The following XCR1 variants were observed in gnomAD, a reference collection of about 807,000 sequenced individuals.
XCR1 encodes the protein chemokine XC receptor 1.
For synonymous variants in XCR1, 187 were observed against 188.5 expected, an observed-to-expected ratio of 0.99 and a Z score of 0.06; for missense variants, 356 against 424.2, an observed-to-expected ratio of 0.84 and a Z score of 1.41.
intron 1 of XCR1, among the ~76,000 whole-genome samples, chr3:46,083,871 C>G (rs746114548): frequency 3.4e-4 from 51 of 152,162 alleles, no homozygotes; most frequent in Non-Finnish European, 5.6e-4. Flanking sequence ...TAAAGAAAAA[C>G]TGAGATTTAA....
chr3:46,046,919 G>T (rs200906874), intron 5 of XCR1, among the ~76,000 whole-genome samples: 1 of 152,144 alleles, frequency 6.6e-6, no homozygotes, highest in Non-Finnish European at 1.5e-5. Flanking sequence ...GCTTTCACAA[G>T]GTCCCATGGA....
chr3:46,035,641 T>A (rs1697416319), intron 5 of XCR1, among the ~76,000 whole-genome samples: 1 of 152,218 alleles, frequency 6.6e-6, no homozygotes, highest in South Asian at 2.1e-4. Context: ...TGTTCCTGAT[T>A]GCCTATGAAG....
At chr3:46,039,468 A>C (rs79737888) in intron 5 of XCR1, among the ~76,000 whole-genome samples, 1 of 142,376 alleles carries the variant, frequency 7.0e-6, no homozygotes, top group African/African-American at 2.5e-5. Context: ...GCAGGCAGTC[A>C]CTCCTAGACA....
chr3:46,021,504 C>T lies in XCR1; in HGVS notation c.444G>A (p.Leu148=). Residue 148 remains leucine, a synonymous_variant, in exon 2 of 2, where the codon CTG becomes CTA. Coordinates refer to ENST00000309285, the MANE Select transcript of XCR1 (RefSeq NM_001024644.2). This position sits in a 1 kb window ranked among gnomAD's most constrained non-coding sequence, Gnocchi z 4.7. ...TGGCTACCCACACAGCCATGGTCAC[C>T]AGCACCCGGCAGCGGAGGGTGGGGA... is the stretch of plus-strand genomic sequence containing the variant. ...LRVPTLRCRV[L]VTMAVWVASI... The T allele has an allele frequency of 1.2e-6, 2 of 1,612,880 alleles. No individual in the cohort carries two copies. The highest frequency in any genetic ancestry group is 1.7e-6 in the Non-Finnish European group (2 of 1,179,400).
rs1434502473 is a variant in XCR1 at position 46,017,719 on chromosome 3, T to A, written c.*3227A>T. 1 of 152,248 alleles carries A rather than the reference T, an allele frequency of 6.6e-6. No individual in the cohort carries two copies. The highest frequency in any genetic ancestry group is 1.5e-5 in the Non-Finnish European group (1 of 68,098). The allele number at this position is 152,248 out of a possible 1,614,324, so 9.4% of individuals were successfully genotyped here. A position where few individuals can be genotyped will look rare whatever the true frequency, so the allele number is the denominator to read the frequency against. ...CGAGGTTCTTCTCTTCTGGATTCTG[T>A]CTGAGGGAAACTGGAGGTGTAAATG... On this transcript the variant is annotated 3_prime_UTR_variant, in exon 2 of 2. Transcript: ENST00000309285.
Position 46,020,880 on chromosome 3 carries a change from G to C in XCR1, c.*66C>G. 1.9e-6 allele frequency: 3 copies of C among 1,548,658 alleles called. No individual in the cohort carries two copies. The highest frequency in any genetic ancestry group is 2.6e-6 in the Non-Finnish European group (3 of 1,150,146). ...GTTCTGCAATGCTCCTTCCAGGCCC[G>C]CTTCTCCATGACCCCCATTCCAGTC... On this transcript the variant is annotated 3_prime_UTR_variant, in exon 2 of 2. Transcript: ENST00000309285.
At chr3:46,040,005 T>C (rs1697510108) in intron 5 of XCR1, among the ~76,000 whole-genome samples, 1 of 152,218 alleles carries the variant, frequency 6.6e-6, no homozygotes, top group Non-Finnish European at 1.5e-5. Context: ...TTATAAGGTT[T>C]TATTAAAGTT....
At chr3:46,041,850 A>T (rs976354401) in intron 5 of XCR1, among the ~76,000 whole-genome samples, 1 of 152,166 alleles carries the variant, frequency 6.6e-6, no homozygotes, top group African/African-American at 2.4e-5. Context: ...GCTACTCCCT[A>T]GTTCCTGTTT....
intron 3 of XCR1, among the ~76,000 whole-genome samples, chr3:46,071,277 A>G (rs1698160345): frequency 6.6e-6 from 1 of 152,166 alleles, no homozygotes; most frequent in East Asian, 1.9e-4. Context: ...CGATAATAAA[A>G]AAAATTGCCA....
In XCR1 at chr3:46,020,670, A is replaced by G; in HGVS notation, c.*276T>C. ...TCTGAACTAAACAGTGATTAGAAAC[A>G]CATGTCTAAATGAAGGAGCGTGCAA... On this transcript the variant is annotated 3_prime_UTR_variant, in exon 2 of 2. Transcript: ENST00000309285. 2.0e-6 allele frequency: 1 copy of G among 497,276 alleles called. No homozygotes were observed. The highest frequency in any genetic ancestry group is 1.9e-5 in the African/African-American group (1 of 52,234). 30.8% of individuals were successfully genotyped at this position (497,276 alleles called of 1,614,324 possible).
chr3:46,020,159 G>T lies in XCR1; in HGVS notation c.*787C>A, dbSNP rs1052215852. 1 of 152,286 alleles carries T rather than the reference G, an allele frequency of 6.6e-6. No homozygotes were observed. Among genetic ancestry groups the T allele is most frequent in the Non-Finnish European group, 1.5e-5 (1 of 68,076 alleles). 9.4% of individuals were successfully genotyped at this position (152,286 alleles called of 1,614,324 possible). A position where few individuals can be genotyped will look rare whatever the true frequency, so the allele number is the denominator to read the frequency against. ...ACCCTAGATGCCTTCACCAAGGTGG[G>T]TGTTCACCAAGGTAGGTGAGCCTTT... On this transcript the variant is annotated 3_prime_UTR_variant, in exon 2 of 2. Transcript: ENST00000309285.
intron 5 of XCR1, among the ~76,000 whole-genome samples, chr3:46,044,008 T>C (rs756928161): frequency 6.6e-6 from 1 of 152,050 alleles, no homozygotes; most frequent in African/African-American, 2.4e-5. Context: ...TTTGTTTTTG[T>C]TTTTTGAGAC....
intron 4 of XCR1, among the ~76,000 whole-genome samples, chr3:46,061,275 C>T (rs1050793082): frequency 6.6e-6 from 1 of 152,184 alleles, no homozygotes; most frequent in Non-Finnish European, 1.5e-5. Context: ...CTATCAGAGA[C>T]TCAGTGTTGA....
At chr3:46,066,431 G>C (rs1698076895) in intron 4 of XCR1, among the ~76,000 whole-genome samples, 1 of 152,152 alleles carries the variant, frequency 6.6e-6, no homozygotes, top group Non-Finnish European at 1.5e-5. Context: ...TTTTAGTAGA[G>C]ACGGGGTTTC....
chr3:46,021,671 AG>A lies in XCR1; in HGVS notation c.276del (p.Trp93GlyfsTer15). The A allele has an allele frequency of 6.2e-7, 1 of 1,607,718 alleles. No individual in the cohort carries two copies. Among genetic ancestry groups the A allele is most frequent in the Non-Finnish European group, 8.5e-7 (1 of 1,177,360 alleles). On this transcript the variant is annotated frameshift_variant, in exon 2 of 2. Coordinates refer to ENST00000309285, the MANE Select transcript of XCR1 (RefSeq NM_001024644.2). LOFTEE classifies it low-confidence loss of function (END_TRUNC). The surrounding 1 kb of genome is among the most constrained non-coding windows in gnomAD (Gnocchi z 4.7). ...AGGAAGTCTCCCAGCACCCAGCCCC[AG>A]TGGTATGGGGAGATCCACACAGGCA... Reference protein sequence around the residue: ...CLLPVWISPYHWGWVLGDFLC... With the variant: ...CLLPVWISPYXWGWVLGDFLC...
In XCR1 at chr3:46,063,510, G is replaced by A. The variant is rs377225385; in HGVS notation, c.-183+3389C>T. On this transcript the variant is annotated intron_variant, in intron 4 of 5. Transcript: ENST00000683768. ...AACTCCTGCTGGTGCCTCCACTGTCGCCAACCAGGAGAAAAGGGAACTGTG... is the reference window on the plus strand; with the variant it reads ...AACTCCTGCTGGTGCCTCCACTGTCACCAACCAGGAGAAAAGGGAACTGTG... Among the ~76,000 whole-genome samples, 49 of 152,180 alleles carry A rather than the reference G, an allele frequency of 3.2e-4. 1 individual carries two copies. Among genetic ancestry groups the A allele is most frequent in the Middle Eastern group, 6.8e-3 (2 of 294 alleles).
chr3:46,021,310 A>T lies in XCR1; in HGVS notation c.638T>A (p.Phe213Tyr). Residue 213 changes from phenylalanine (F) to tyrosine (Y), a missense_variant, in exon 2 of 2, where the codon TTC (phenylalanine) becomes TAC (tyrosine). By Grantham distance (22) the Phe-to-Tyr change is conservative (BLOSUM62 3). Coordinates refer to ENST00000309285, the MANE Select transcript of XCR1 (RefSeq NM_001024644.2). The surrounding 1 kb of genome is among the most constrained non-coding windows in gnomAD (Gnocchi z 4.7). ...GTGGCGCCGCTTGGAGCGTGAGCGG[A>T]ACAGGGTCCTGAGGATCTCCACGTA... ...FCYVEILRTLFRSRSKRRHRT... is the reference protein window; with the variant it reads ...FCYVEILRTLYRSRSKRRHRT... 6.2e-7 allele frequency: 1 copy of T among 1,614,214 alleles called. No homozygotes were observed. Among genetic ancestry groups the T allele is most frequent in the African/African-American group, 1.3e-5 (1 of 75,056 alleles).
chr3:46,044,310 T>A (rs1165724884), intron 5 of XCR1, among the ~76,000 whole-genome samples: 2 of 152,188 alleles, frequency 1.3e-5, no homozygotes, highest in Admixed American at 1.3e-4. Context: ...TGATTTTGTG[T>A]TTCTCTGGTG....
At chr3:46,079,215 T>C (rs1210668302) in intron 1 of XCR1, among the ~76,000 whole-genome samples, 1 of 152,206 alleles carries the variant, frequency 6.6e-6, no homozygotes, top group Non-Finnish European at 1.5e-5. Flanking sequence ...ACAACACTTA[T>C]GAGACATCCT....
Sources: gnomAD v4.1 joint callset for allele counts (sites outside exome capture counted in the v4.1 genomes callset) on GRCh38, gnomAD v4.1.1 for gene constraint, Gnocchi (gnomAD v3.1) non-coding constraint, MANE v1.5 for transcripts, NCBI Gene and HGNC (gene_info 2026-07-23, HGNC 2026-07-21) for gene names.